PARP8: variants seen among roughly 807,000 people sequenced by gnomAD.
PARP8 encodes the protein poly(ADP-ribose) polymerase family member 8.
In PARP8, 51 loss-of-function variants were observed where a neutral mutation model predicts 124.1. The observed-to-expected ratio is 0.41, with a 90% CI of 0.33 to 0.52. The LOEUF (loss-of-function observed/expected upper bound fraction) is 0.52, where lower values mean the gene tolerates loss of function less well. Ranked by LOEUF, PARP8 falls within the 20% of genes least tolerant of loss-of-function variation. The pLI is 0.21. For missense variants in PARP8, 860 were observed against 1,018.9 expected (o/e 0.84, Z 2.12); for synonymous variants, 391 against 361.5 (o/e 1.08, Z -0.93).
Position 50,822,404 on chromosome 5 carries a change from A to G in PARP8, c.1860+4A>G. The G allele has an allele frequency of 6.3e-7, 1 of 1,594,556 alleles. No homozygotes were observed. The highest frequency in any genetic ancestry group is 8.6e-7 in the Non-Finnish European group (1 of 1,162,490). ...TTCTATCAGAGAAATGACACAAGTAAGTATGTCATCTGGTCTTGTACAGTA... is the reference window on the plus strand; with the variant it reads ...TTCTATCAGAGAAATGACACAAGTAGGTATGTCATCTGGTCTTGTACAGTA... On this transcript the variant is annotated splice_donor_region_variant and intron_variant, in intron 17 of 25. Transcript: ENST00000281631.
rs1341439525 is a variant in PARP8, at chr5:50,828,069, T to G, written c.2090+13T>G. 6.6e-7 allele frequency: 1 copy of G among 1,522,724 alleles called. No homozygotes were observed. Among genetic ancestry groups the G allele is most frequent in the East Asian group, 2.3e-5 (1 of 44,398 alleles). 94.3% of individuals were successfully genotyped at this position (1,522,724 alleles called of 1,614,324 possible). On this transcript the variant is annotated intron_variant, in intron 20 of 25. Coordinates refer to ENST00000281631, the MANE Select transcript of PARP8 (RefSeq NM_024615.4). ...CCTTTGCATTTCAGTGAGTAAGGCT[T>G]AATGTTAATGGGGGTGTGCTCCCAT...
Position 50,822,358 on chromosome 5 carries a change from G to A in PARP8, c.1818G>A (p.Met606Ile). The A allele has an allele frequency of 1.2e-6, 2 of 1,611,656 alleles. No individual in the cohort carries two copies. The highest frequency in any genetic ancestry group is 1.7e-6 in the Non-Finnish European group (2 of 1,178,040). Residue 606 changes from methionine (M) to isoleucine (I), a missense_variant, in exon 17 of 26, where the codon ATG (methionine) becomes ATA (isoleucine). Physicochemically the swap from Met to Ile is conservative, Grantham distance 10. Transcript: ENST00000281631. Reference protein sequence around the residue: ...NPRKKNYDRVMKALDSITSIR... With the variant: ...NPRKKNYDRVIKALDSITSIR... ...AGAAAAAGAACTATGATCGAGTAATGAAAGCACTGGATAGCATAACTTCTA... is the reference window on the plus strand; with the variant it reads ...AGAAAAAGAACTATGATCGAGTAATAAAAGCACTGGATAGCATAACTTCTA...
In PARP8 at chr5:50,671,525, AAGTT is replaced by A. The variant is rs1397072389; in HGVS notation, c.146+3403_146+3406del. On this transcript the variant is annotated intron_variant, in intron 2 of 25. Transcript: ENST00000281631. ...TTTGTAAAAAAAAAAAATAAAAAAA[AAGTT>A]AGAAGAAGAAATACGCCAAAAAGAA... Among the ~76,000 whole-genome samples the A allele has an allele frequency of 6.6e-5, 10 of 152,288 alleles. No individual in the cohort carries two copies. The Middle Eastern group carries it at 0.01, about 155-fold the overall frequency.
At chr5:50,754,146 T>TATATATATATATACATATAC (rs1561331500) in intron 3 of PARP8, among the ~76,000 whole-genome samples, 13 of 21,398 alleles carry the variant, frequency 6.1e-4, no homozygotes, top group Admixed American at 1.4e-3. Context: ...TATATATATA[T>TATATATATATATACATATAC]ATATACACAC....
intron 2 of PARP8, among the ~76,000 whole-genome samples, chr5:50,724,564 A>G (rs1278656352): frequency 6.6e-6 from 1 of 152,112 alleles, no homozygotes; most frequent in East Asian, 1.9e-4. Context: ...GAAATGTAAG[A>G]TAATTCTTTC....
At chr5:50,676,564 G>A (rs1750663845) in intron 2 of PARP8, among the ~76,000 whole-genome samples, 1 of 152,218 alleles carries the variant, frequency 6.6e-6, no homozygotes, top group Admixed American at 6.5e-5. Context: ...TAATGATTCT[G>A]TGTAGCAGAA....
At chr5:50,793,567 T>G (rs1215879703) in intron 10 of PARP8, among the ~76,000 whole-genome samples, 2 of 152,152 alleles carry the variant, frequency 1.3e-5, no homozygotes, top group East Asian at 3.8e-4. Flanking sequence ...CTAAACAAAC[T>G]TAAGGATACC....
At chr5:50,667,912 C>T in intron 1 of PARP8, 159 bp from the exon 2 acceptor site, 1 of 1,505,330 alleles carries the variant, frequency 6.6e-7, no homozygotes, top group Non-Finnish European at 8.8e-7. Flanking sequence ...CGCGCCGCAT[C>T]CCCTCGGACG....
chr5:50,738,065 T>C (rs1208312376), intron 2 of PARP8, among the ~76,000 whole-genome samples: 1 of 152,196 alleles, frequency 6.6e-6, no homozygotes, highest in East Asian at 1.9e-4. Flanking sequence ...TCTATAAAAG[T>C]ATTACTATTG....
intron 2 of PARP8, among the ~76,000 whole-genome samples, chr5:50,675,390 C>T (rs1440812681): frequency 1.3e-5 from 2 of 152,138 alleles, no homozygotes; most frequent in South Asian, 4.1e-4. Flanking sequence ...CTGCAACCTC[C>T]GCCCCCCGGG....
intron 2 of PARP8, among the ~76,000 whole-genome samples, chr5:50,672,892 C>T (rs1750195849): frequency 6.6e-6 from 1 of 152,068 alleles, no homozygotes; most frequent in African/African-American, 2.4e-5. Context: ...ATGCTATCCC[C>T]TTAAAAAGGT....
chr5:50,818,818 A>G (rs1166814889), intron 15 of PARP8, among the ~76,000 whole-genome samples: 15 of 152,262 alleles, frequency 9.9e-5, no homozygotes, highest in Non-Finnish European at 1.9e-4. Flanking sequence ...CAGATAAACC[A>G]TAAAATCACG....
Position 50,832,790 on chromosome 5 carries a change from A to G in PARP8, c.2243A>G (p.Lys748Arg). 6.2e-7 allele frequency: 1 copy of G among 1,613,498 alleles called. No homozygotes were observed. Among genetic ancestry groups the G allele is most frequent in the South Asian group, 1.1e-5 (1 of 91,078 alleles). The change falls in exon 23 of 26, where the codon AAG becomes AGG. Residue 748 changes from lysine (K) to arginine (R), a missense_variant. By Grantham distance (26) the Lys-to-Arg change is conservative. Around this residue, in one of 2 missense-constraint regions of PARP8, gnomAD observed 343 missense variants for 474.7 expected, o/e 0.72. Coordinates refer to ENST00000281631, the MANE Select transcript of PARP8 (RefSeq NM_024615.4). Reference protein sequence around the residue: ...SISFGYSGMNKKQKVSAKDEP... With the variant: ...SISFGYSGMNRKQKVSAKDEP... ...TTGCCGATGTTTTCAGGGATGAACAAGAAACAGAAGGTGTCAGCCAAGGAC... is the reference window on the plus strand; with the variant it reads ...TTGCCGATGTTTTCAGGGATGAACAGGAAACAGAAGGTGTCAGCCAAGGAC...
At chr5:50,732,632 T>C (rs1484232902) in intron 2 of PARP8, among the ~76,000 whole-genome samples, 40 of 152,050 alleles carry the variant, frequency 2.6e-4, no homozygotes, top group Non-Finnish European at 7.4e-5. Flanking sequence ...TTTTCCTTTT[T>C]TTTTGAGATG....
At chr5:50,666,142 A>G (rs1383072311), upstream of PARP8, 2 of 152,260 alleles carry the variant, frequency 1.3e-5, no homozygotes, top group African/African-American at 4.8e-5. Context: ...GGGCTGAACT[A>G]CTTCGATCTG....
intron 2 of PARP8, among the ~76,000 whole-genome samples, chr5:50,703,646 T>C (rs1317274317): frequency 1.3e-5 from 2 of 152,184 alleles, no homozygotes; most frequent in Non-Finnish European, 1.5e-5. Context: ...TGTTCTCTAC[T>C]GTTTTAATAA....
chr5:50,769,335 A>G (rs989408140), intron 7 of PARP8, among the ~76,000 whole-genome samples: 1 of 151,862 alleles, frequency 6.6e-6, no homozygotes, highest in African/African-American at 2.4e-5. Context: ...AATGTAAATA[A>G]GTTCAAAAGA....
chr5:50,741,307 ATTG>A (rs1406941205), intron 2 of PARP8, among the ~76,000 whole-genome samples: 2 of 152,192 alleles, frequency 1.3e-5, no homozygotes, highest in Non-Finnish European at 2.9e-5. Flanking sequence ...TTGGAATTGT[ATTG>A]TTGTCCTTTT....
intron 14 of PARP8, among the ~76,000 whole-genome samples, chr5:50,802,386 C>T (rs902302487): frequency 2.0e-5 from 3 of 152,134 alleles, no homozygotes; most frequent in East Asian, 1.9e-4. Flanking sequence ...CTGATCATAG[C>T]TCACTGAAGC....
Sources: gnomAD v4.1 joint callset for allele counts (sites outside exome capture counted in the v4.1 genomes callset) on GRCh38, gnomAD v4.1.1 for gene constraint, gnomAD v4.1.1 regional missense constraint, MANE v1.5 for transcripts, NCBI Gene and HGNC (gene_info 2026-07-23, HGNC 2026-07-21) for gene names.